RASEF: variants seen among roughly 807,000 people sequenced by gnomAD.
RASEF encodes the protein RAS and EF-hand domain containing.
A neutral mutation model predicts 90.1 loss-of-function variants in RASEF; 68 were observed. The observed-to-expected ratio is 0.75, with a 90% CI of 0.62 to 0.92. RASEF has a LOEUF of 0.92. RASEF is among the 40% of genes least tolerant of loss of function. The pLI, the probability that RASEF is intolerant of heterozygous loss-of-function variation, is 0.00. For missense variants in RASEF, 949 were observed against 937.2 expected (o/e 1.01, Z -0.16); for synonymous variants, 331 against 345.2 (o/e 0.96, Z 0.46).
chr9:83,091,902 AGG>A, the RASEF span, among the ~76,000 whole-genome samples: 1 of 149,814 alleles, frequency 6.7e-6, no homozygotes, highest in Non-Finnish European at 1.5e-5. Context: ...TGAGCTGGGG[AGG>A]GAGATGGGAC....
the RASEF span, among the ~76,000 whole-genome samples, chr9:83,137,108 G>A: frequency 1.0e-3 from 155 of 152,168 alleles, 1 homozygote; most frequent in Non-Finnish European, 1.7e-3. Flanking sequence ...CACCTTGGTT[G>A]TTTTACTGAA....
At chr9:83,203,308 T>C in the RASEF span, among the ~76,000 whole-genome samples, 2 of 151,800 alleles carry the variant, frequency 1.3e-5, no homozygotes, top group Admixed American at 6.6e-5. Context: ...TGGACTCTCA[T>C]TCTGTCACCC....
At position 83,022,335 on chromosome 9, in the gene RASEF, C is replaced by G. The variant is rs767301207; in HGVS notation, c.669+1G>C. Reference sequence around the variant, plus strand: ...AATGAATGGCCAACCCAGAAACTCACGTCTTTCCGTGTCTTATGTTCTGCA... The same window carrying G: ...AATGAATGGCCAACCCAGAAACTCAGGTCTTTCCGTGTCTTATGTTCTGCA... On this transcript the variant is annotated splice_donor_variant, in intron 3 of 16. Coordinates refer to ENST00000376447, the MANE Select transcript of RASEF (RefSeq NM_152573.4). LOFTEE classifies it high-confidence loss of function. 6.2e-7 allele frequency: 1 copy of G among 1,612,672 alleles called. No individual in the cohort carries two copies. The highest frequency in any genetic ancestry group is 1.3e-5 in the African/African-American group (1 of 74,890).
the RASEF span, among the ~76,000 whole-genome samples, chr9:83,144,598 G>C: frequency 6.6e-6 from 1 of 152,064 alleles, no homozygotes; most frequent in Non-Finnish European, 1.5e-5. Flanking sequence ...GACTGGTGGT[G>C]GGTATCTGGA....
chr9:83,010,023 CATG>C (rs1282296989), intron 5 of RASEF, among the ~76,000 whole-genome samples: 1 of 152,150 alleles, frequency 6.6e-6, no homozygotes, highest in Non-Finnish European at 1.5e-5. Flanking sequence ...AAGGGTTTAT[CATG>C]ATGTATTTCA....
At chr9:83,184,822 GA>G in the RASEF span, among the ~76,000 whole-genome samples, 6 of 150,260 alleles carry the variant, frequency 4.0e-5, no homozygotes, top group African/African-American at 9.8e-5. Context: ...AATAAGAATT[GA>G]AAAAAAAAAT....
chr9:83,192,426 G>A, the RASEF span, among the ~76,000 whole-genome samples: 1 of 152,240 alleles, frequency 6.6e-6, no homozygotes, highest in Admixed American at 6.5e-5. Context: ...GCAGCCATAG[G>A]CCATTATCCT....
chr9:82,999,741 C>T (rs926518273), intron 12 of RASEF, among the ~76,000 whole-genome samples: 2 of 151,738 alleles, frequency 1.3e-5, no homozygotes, highest in African/African-American at 4.8e-5. Flanking sequence ...GTTGCTGGGA[C>T]AACCAGCACC....
At chr9:83,018,129 C>T (rs770956607) in intron 3 of RASEF, among the ~76,000 whole-genome samples, 4 of 152,054 alleles carry the variant, frequency 2.6e-5, no homozygotes, top group Non-Finnish European at 4.4e-5. Flanking sequence ...ATTCTTCTTA[C>T]CAGTGCAATA....
At chr9:83,115,763 G>C in the RASEF span, among the ~76,000 whole-genome samples, 1 of 151,908 alleles carries the variant, frequency 6.6e-6, no homozygotes, top group Admixed American at 6.6e-5. Context: ...TACTGAGACA[G>C]CATTTACTTT....
chr9:83,091,726 G>A, the RASEF span, among the ~76,000 whole-genome samples: 1 of 152,084 alleles, frequency 6.6e-6, no homozygotes, highest in Admixed American at 6.5e-5. Flanking sequence ...CTGGGAAGAG[G>A]ATTTTAGCTC....
At chr9:83,047,504 A>C (rs1397321465) in intron 1 of RASEF, among the ~76,000 whole-genome samples, 6 of 152,212 alleles carry the variant, frequency 3.9e-5, no homozygotes, top group African/African-American at 1.4e-4. Flanking sequence ...ACACATCTTA[A>C]AAACTGTGAC....
the RASEF span, among the ~76,000 whole-genome samples, chr9:83,194,053 C>T: frequency 1.3e-5 from 2 of 152,240 alleles, no homozygotes; most frequent in Middle Eastern, 6.8e-3. Flanking sequence ...CCTATATACC[C>T]CTCCCTTTGT....
chr9:83,044,036 T>C (rs936086038), intron 1 of RASEF, among the ~76,000 whole-genome samples: 16 of 152,316 alleles, frequency 1.1e-4, no homozygotes, highest in African/African-American at 3.6e-4. Context: ...CTGGCTTCCC[T>C]GTGCTCTCTA....
chr9:83,084,976 C>T, the RASEF span, among the ~76,000 whole-genome samples: 4 of 152,100 alleles, frequency 2.6e-5, no homozygotes, highest in African/African-American at 9.7e-5. Context: ...CATTGCTACA[C>T]CTAGTTCAGG....
At chr9:83,175,958 C>T in the RASEF span, among the ~76,000 whole-genome samples, 2 of 152,154 alleles carry the variant, frequency 1.3e-5, no homozygotes, top group Admixed American at 6.5e-5. Flanking sequence ...TACATCTGCA[C>T]TTGAGAAGAA....
the RASEF span, among the ~76,000 whole-genome samples, chr9:83,090,751 T>C: frequency 6.6e-6 from 1 of 152,058 alleles, no homozygotes; most frequent in African/African-American, 2.4e-5. Context: ...AAATTGGACA[T>C]TTAAAAGTAT....
At chr9:83,144,382 AG>A in the RASEF span, among the ~76,000 whole-genome samples, 4 of 57,146 alleles carry the variant, frequency 7.0e-5, no homozygotes, top group African/African-American at 3.6e-4. Flanking sequence ...AAAGAAAGAA[AG>A]AAAGAAAGGA....
chr9:83,124,609 C>T, the RASEF span, among the ~76,000 whole-genome samples: 4 of 152,294 alleles, frequency 2.6e-5, no homozygotes, highest in South Asian at 8.3e-4. Flanking sequence ...CAGAGAGGAG[C>T]AACTTGGTAT....
Sources: gnomAD v4.1 joint callset for allele counts (sites outside exome capture counted in the v4.1 genomes callset) on GRCh38, gnomAD v4.1.1 for gene constraint, MANE v1.5 for transcripts, NCBI Gene and HGNC (gene_info 2026-07-23, HGNC 2026-07-21) for gene names.